Variants in SHISA9 observed in about 807,000 individuals in gnomAD.
The protein encoded by SHISA9 is shisa family member 9, also known as protein shisa-9.
Under a neutral mutation model 38.0 loss-of-function variants are expected in SHISA9, and 13 were observed. That is an observed-to-expected ratio of 0.34 (90% CI 0.22 to 0.54). The LOEUF is 0.54. SHISA9 is among the 20% of genes least tolerant of loss of function. The pLI is 0.91. For missense variants in SHISA9, 538 were observed against 575.8 expected, an observed-to-expected ratio of 0.93 and a Z score of 0.67; for synonymous variants, 275 against 242.0, an observed-to-expected ratio of 1.14 and a Z score of -1.27.
the SHISA9 span, among the ~76,000 whole-genome samples, chr16:13,378,037 A>C: frequency 3.0e-5 from 4 of 134,206 alleles, no homozygotes; most frequent in Non-Finnish European, 6.8e-5. Flanking sequence ...CATCTAAACA[A>C]CACCACCAAC....
the SHISA9 span, among the ~76,000 whole-genome samples, chr16:13,551,620 C>A: frequency 6.6e-6 from 1 of 152,286 alleles, no homozygotes; most frequent in Middle Eastern, 3.4e-3. Flanking sequence ...TACAAACATA[C>A]CACATGCATA....
chr16:13,159,386 T>C (rs2050576001), intron 2 of SHISA9, among the ~76,000 whole-genome samples: 2 of 152,178 alleles, frequency 1.3e-5, no homozygotes, highest in African/African-American at 4.8e-5. Context: ...CCTTTGTCCA[T>C]GATGCTGATT....
the SHISA9 span, among the ~76,000 whole-genome samples, chr16:13,527,526 G>A: frequency 6.6e-6 from 1 of 152,212 alleles, no homozygotes; most frequent in African/African-American, 2.4e-5. Flanking sequence ...GACTAGTCTA[G>A]TTAAATATAA....
At chr16:12,981,730 A>T (rs1404324300) in intron 2 of SHISA9, among the ~76,000 whole-genome samples, 2 of 152,144 alleles carry the variant, frequency 1.3e-5, no homozygotes, top group African/African-American at 2.4e-5. Flanking sequence ...CTATATTCGG[A>T]GACAGGGTCT....
chr16:13,342,908 A>C, the SHISA9 span, among the ~76,000 whole-genome samples: 2 of 152,202 alleles, frequency 1.3e-5, no homozygotes, highest in African/African-American at 4.8e-5. Context: ...AAAACCCAAG[A>C]GAATGGTTTT....
intron 2 of SHISA9, among the ~76,000 whole-genome samples, chr16:13,050,982 G>C (rs948046888): frequency 6.6e-6 from 1 of 152,174 alleles, no homozygotes; most frequent in Non-Finnish European, 1.5e-5. Flanking sequence ...GTGTGACATT[G>C]GGCCTCCATT....
the SHISA9 span, among the ~76,000 whole-genome samples, chr16:13,267,875 G>GT: frequency 0.12 from 16,917 of 137,310 alleles, 1,004 homozygotes; most frequent in South Asian, 0.19. Context: ...TGTTTCTCAG[G>GT]TTTTTTTTTT....
At chr16:12,985,189 C>T (rs1006383522) in intron 2 of SHISA9, among the ~76,000 whole-genome samples, 1 of 137,516 alleles carries the variant, frequency 7.3e-6, no homozygotes, top group Non-Finnish European at 1.6e-5. Flanking sequence ...TTATGTTGTA[C>T]ACCACAAATA....
At chr16:12,949,585 G>C (rs2071729058) in intron 2 of SHISA9, among the ~76,000 whole-genome samples, 1 of 152,192 alleles carries the variant, frequency 6.6e-6, no homozygotes, top group East Asian at 1.9e-4. Context: ...GGATTTTGAA[G>C]GCTTAGTTGA....
At chr16:13,153,283 A>G (rs565539317) in intron 2 of SHISA9, among the ~76,000 whole-genome samples, 1 of 151,882 alleles carries the variant, frequency 6.6e-6, no homozygotes, top group Non-Finnish European at 1.5e-5. Flanking sequence ...AAAAAAAAAC[A>G]AAAAAAACCA....
chr16:13,525,362 C>T, the SHISA9 span, among the ~76,000 whole-genome samples: 1 of 152,152 alleles, frequency 6.6e-6, no homozygotes, highest in Non-Finnish European at 1.5e-5. Context: ...GTCGAAGAGT[C>T]CGGGAGTGGA....
At chr16:13,229,328 G>C (rs528000950) in intron 4 of SHISA9, among the ~76,000 whole-genome samples, 1 of 152,182 alleles carries the variant, frequency 6.6e-6, no homozygotes, top group Non-Finnish European at 1.5e-5. Context: ...TAAATGCCAC[G>C]GGAGGAGCTT....
chr16:13,543,146 C>A, the SHISA9 span, among the ~76,000 whole-genome samples: 1 of 152,176 alleles, frequency 6.6e-6, no homozygotes, highest in Non-Finnish European at 1.5e-5. Context: ...CAGGTGAGGT[C>A]TCTGGCCTCC....
At chr16:13,388,311 T>C in the SHISA9 span, among the ~76,000 whole-genome samples, 1 of 105,126 alleles carries the variant, frequency 9.5e-6, no homozygotes, top group Admixed American at 8.6e-5. Context: ...ATTTGGGGAA[T>C]TTTTTTTTTT....
the SHISA9 span, among the ~76,000 whole-genome samples, chr16:13,360,223 C>G: frequency 8.3e-4 from 126 of 152,332 alleles, no homozygotes; most frequent in African/African-American, 2.7e-3. Flanking sequence ...AGAGAACTGT[C>G]CTGCACCCTC....
chr16:13,126,588 A>C (rs544411730), intron 2 of SHISA9, among the ~76,000 whole-genome samples: 1 of 140,228 alleles, frequency 7.1e-6, no homozygotes, highest in Non-Finnish European at 1.5e-5. Flanking sequence ...GGAAAGAGAG[A>C]GAGAAAGAGA....
chr16:13,242,047 C>T (rs2051439360), downstream of SHISA9, among the ~76,000 whole-genome samples: 1 of 152,190 alleles, frequency 6.6e-6, no homozygotes, highest in Admixed American at 6.5e-5. Context: ...TTTGCAGAGC[C>T]ACACACTGTT....
intron 4 of SHISA9, among the ~76,000 whole-genome samples, chr16:13,217,359 C>T (rs994638110): frequency 6.6e-6 from 1 of 152,184 alleles, no homozygotes; most frequent in Non-Finnish European, 1.5e-5. Flanking sequence ...AGACTGTCTT[C>T]ACCAAGATGA....
intron 2 of SHISA9, among the ~76,000 whole-genome samples, chr16:13,123,441 A>G (rs150073): frequency 0.081 from 12,271 of 152,272 alleles, 525 homozygotes; most frequent in Admixed American, 0.096. Flanking sequence ...CCTGTTAAGG[A>G]TATGAAATAG....
Sources: allele counts gnomAD v4.1 joint callset (sites outside exome capture counted in the v4.1 genomes callset), GRCh38; gene constraint gnomAD v4.1.1; transcripts MANE v1.5; gene names NCBI Gene and HGNC (gene_info 2026-07-23, HGNC 2026-07-21).